Variants in EPB41L5 observed in about 807,000 individuals in gnomAD.
EPB41L5 encodes the protein erythrocyte membrane protein band 4.1 like 5.
Under a neutral mutation model 106.6 loss-of-function variants are expected in EPB41L5, and 55 were observed. That is an observed-to-expected ratio of 0.52 (90% CI 0.42 to 0.65). The LOEUF is 0.65. Ranked by LOEUF, EPB41L5 falls within the 30% of genes least tolerant of loss-of-function variation. The pLI is 0.00. For missense variants in EPB41L5, 871 were observed against 882.1 expected (o/e 0.99, Z 0.16); for synonymous variants, 297 against 306.7 (o/e 0.97, Z 0.33).
In EPB41L5 at chr2:120,176,152, C is replaced by G. The variant is rs950294685; in HGVS notation, c.*1245C>G. 1 of 152,510 alleles carries G rather than the reference C, an allele frequency of 6.6e-6. No individual in the cohort carries two copies. Among genetic ancestry groups the G allele is most frequent in the Non-Finnish European group, 1.5e-5 (1 of 68,026 alleles). The allele number at this position is 152,510 out of a possible 1,614,324, so 9.4% of individuals were successfully genotyped here. A position where few individuals can be genotyped will look rare whatever the true frequency, so the allele number is the denominator to read the frequency against. The stretch of plus-strand genomic sequence containing the variant: ...GTAATTCTAATACCCAGAAATAACG[C>G]TATTTAGCTTTATAATTTTCGAATG... On this transcript the variant is annotated 3_prime_UTR_variant, in exon 25 of 25. Coordinates refer to ENST00000263713, the MANE Select transcript of EPB41L5 (RefSeq NM_020909.4).
At chr2:120,047,314 G>A (rs1165237107) in intron 3 of EPB41L5, among the ~76,000 whole-genome samples, 4 of 152,220 alleles carry the variant, frequency 2.6e-5, no homozygotes, top group South Asian at 2.1e-4. Flanking sequence ...TCCTCCATTT[G>A]TTTGTGTCCT....
chr2:120,038,765 A>C (rs1679202394), intron 2 of EPB41L5, among the ~76,000 whole-genome samples: 1 of 152,198 alleles, frequency 6.6e-6, no homozygotes, highest in South Asian at 2.1e-4. Context: ...GAAAAAATAA[A>C]AAATATATAA....
intron 16 of EPB41L5, among the ~76,000 whole-genome samples, chr2:120,124,284 A>G (rs910556266): frequency 3.9e-5 from 6 of 152,158 alleles, no homozygotes; most frequent in African/African-American, 7.2e-5. Context: ...ACCTTGGTAC[A>G]TTTTGGAGTT....
chr2:120,067,319 G>A lies in EPB41L5; in HGVS notation c.286-5859G>A, dbSNP rs555544441. On this transcript the variant is annotated intron_variant, in intron 3 of 24. Transcript: ENST00000263713. The stretch of plus-strand genomic sequence containing the variant: ...GCTAGGCAAATAATTGGCAAGAAAA[G>A]TAAACAGTTACAGTGCAGCTTTGTT... 3.9e-5 allele frequency among the ~76,000 whole-genome samples: 6 copies of A among 152,348 alleles called. No individual in the cohort carries two copies. In the South Asian group the frequency reaches 1.2e-3, roughly 32 times the overall value.
chr2:120,022,326 C>T (rs995493852), intron 2 of EPB41L5, among the ~76,000 whole-genome samples: 6 of 152,034 alleles, frequency 3.9e-5, no homozygotes, highest in African/African-American at 1.2e-4. Context: ...AATACTATCC[C>T]TCCCCTAACC....
intron 3 of EPB41L5, among the ~76,000 whole-genome samples, chr2:120,069,777 A>G (rs1311423194): frequency 6.6e-6 from 1 of 152,222 alleles, no homozygotes; most frequent in East Asian, 1.9e-4. Context: ...AATGAGATCA[A>G]AGACACAATA....
intron 5 of EPB41L5, 33 bp downstream of exon 5, chr2:120,074,211 A>G (rs770489445): frequency 6.6e-7 from 1 of 1,517,632 alleles, no homozygotes; most frequent in African/African-American, 1.4e-5. Flanking sequence ...TGCCAGGGTT[A>G]TTTTGATAGT....
chr2:120,051,222 C>T (rs944330676), intron 3 of EPB41L5, among the ~76,000 whole-genome samples: 1 of 152,200 alleles, frequency 6.6e-6, no homozygotes, highest in African/African-American at 2.4e-5. Flanking sequence ...GTTTCTGCTG[C>T]CGTTTATTCG....
rs569301801 is a variant in EPB41L5, at chr2:120,121,987, G to A, written c.1338-5701G>A. Among the ~76,000 whole-genome samples, 3 of 152,318 alleles carry A rather than the reference G, an allele frequency of 2.0e-5. No homozygotes were observed. In the East Asian group the frequency reaches 5.8e-4, roughly 29 times the overall value. The stretch of plus-strand genomic sequence containing the variant: ...CTGCATAAATGTCTTCTTTTGAGAA[G>A]TGTCTGTTCATATCCTTTGCCCACT... On this transcript the variant is annotated intron_variant, in intron 16 of 24. Transcript: ENST00000263713.
chr2:120,091,777 C>T, intron 13 of EPB41L5, 116 bp downstream of exon 13: 1 of 727,764 alleles, frequency 1.4e-6, no homozygotes, highest in Non-Finnish European at 2.3e-6. Context: ...TTCCAGTCAA[C>T]TAAAGTACTT....
intron 21 of EPB41L5, among the ~76,000 whole-genome samples, chr2:120,163,088 C>T (rs1200869136): frequency 6.6e-6 from 1 of 151,936 alleles, no homozygotes; most frequent in Non-Finnish European, 1.5e-5. Flanking sequence ...CCCGTCTCTA[C>T]AAAAAATTTT....
chr2:120,043,275 TCA>T (rs1471490931), intron 3 of EPB41L5, among the ~76,000 whole-genome samples: 3 of 152,034 alleles, frequency 2.0e-5, no homozygotes, highest in Non-Finnish European at 2.9e-5. Flanking sequence ...GCATGGTGGC[TCA>T]CACCTGTAAT....
intron 18 of EPB41L5, among the ~76,000 whole-genome samples, chr2:120,138,099 C>T (rs191397623): frequency 6.6e-6 from 1 of 151,822 alleles, no homozygotes; most frequent in Non-Finnish European, 1.5e-5. Context: ...GAATGAAGGA[C>T]AAAAACCATA....
At chr2:120,056,127 T>C (rs1443115499) in intron 3 of EPB41L5, among the ~76,000 whole-genome samples, 1 of 152,164 alleles carries the variant, frequency 6.6e-6, no homozygotes, top group Non-Finnish European at 1.5e-5. Flanking sequence ...AGTTCGTTGA[T>C]GCTTTCATAA....
intron 16 of EPB41L5, among the ~76,000 whole-genome samples, chr2:120,121,933 T>C (rs1390973662): frequency 6.6e-6 from 1 of 152,240 alleles, no homozygotes; most frequent in Non-Finnish European, 1.5e-5. Context: ...TGGCCAGTGA[T>C]GATGAGCATT....
intron 2 of EPB41L5, among the ~76,000 whole-genome samples, chr2:120,023,469 G>T (rs545882020): frequency 3.9e-5 from 6 of 152,042 alleles, no homozygotes; most frequent in Non-Finnish European, 8.8e-5. Flanking sequence ...TTTTTGTCAG[G>T]TTTGTCAAAG....
intron 18 of EPB41L5, among the ~76,000 whole-genome samples, chr2:120,142,277 A>G (rs754981734): frequency 1.3e-5 from 2 of 152,024 alleles, no homozygotes; most frequent in Non-Finnish European, 2.9e-5. Context: ...CTATGTCTGA[A>G]ATCCTTTAGG....
At chr2:120,170,471 A>T (rs188771923) in intron 24 of EPB41L5, among the ~76,000 whole-genome samples, 3 of 152,362 alleles carry the variant, frequency 2.0e-5, no homozygotes, top group Admixed American at 1.3e-4. Context: ...AAGACCTGTT[A>T]GACTAAGGAA....
chr2:120,061,133 C>T (rs1214533210), intron 3 of EPB41L5, among the ~76,000 whole-genome samples: 7 of 146,456 alleles, frequency 4.8e-5, no homozygotes, highest in South Asian at 4.3e-4. Context: ...CTCTGCCTTC[C>T]GGGTTCAAGC....
Sources: gnomAD v4.1 joint callset for allele counts (sites outside exome capture counted in the v4.1 genomes callset) on GRCh38, gnomAD v4.1.1 for gene constraint, MANE v1.5 for transcripts, NCBI Gene and HGNC (gene_info 2026-07-23, HGNC 2026-07-21) for gene names.